TBL1X: variants seen among roughly 807,000 people sequenced by gnomAD.
TBL1X encodes transducin beta like 1 X-linked.
Under a neutral mutation model 50.7 loss-of-function variants are expected in TBL1X, and 10 were observed. The observed-to-expected ratio is 0.20, with a 90% CI of 0.12 to 0.33. The LOEUF is 0.33. Ranked by LOEUF, TBL1X falls within the 10% of genes least tolerant of loss-of-function variation. TBL1X has a pLI of 1.00. For missense variants in TBL1X, 340 were observed against 504.4 expected, an observed-to-expected ratio of 0.67 and a Z score of 3.12; for synonymous variants, 190 against 214.7, an observed-to-expected ratio of 0.88 and a Z score of 1.01.
intron 5 of TBL1X, among the ~76,000 whole-genome samples, chrX:9,670,847 TC>T (rs2146616075): frequency 8.9e-6 from 1 of 112,721 alleles, no homozygotes; most frequent in East Asian, 2.8e-4. Flanking sequence ...CTAATGTGTA[TC>T]CATGTTTAAA....
intron 2 of TBL1X, among the ~76,000 whole-genome samples, chrX:9,557,608 A>T (rs1291180185): frequency 9.0e-6 from 1 of 111,731 alleles, no homozygotes; most frequent in African/African-American, 3.3e-5. Flanking sequence ...TTGAGGAGTT[A>T]AAGGGTAGAA....
At chrX:9,633,359 A>G (rs908153370) in intron 2 of TBL1X, among the ~76,000 whole-genome samples, 3 of 111,977 alleles carry the variant, frequency 2.7e-5, no homozygotes, top group Non-Finnish European at 5.6e-5. Flanking sequence ...GTGGTAAAAA[A>G]TAATCCACCT....
chrX:9,666,857 A>G (rs187594235), intron 5 of TBL1X, among the ~76,000 whole-genome samples: 1 of 112,344 alleles, frequency 8.9e-6, no homozygotes, highest in East Asian at 2.8e-4. Flanking sequence ...ATACTGGAGA[A>G]ACAATTTTAC....
At position 9,653,663 on chromosome X, in the gene TBL1X, A is replaced by G; in HGVS notation, c.77A>G (p.His26Arg). 1 of 1,171,628 alleles carries G rather than the reference A, an allele frequency of 8.5e-7. No individual in the cohort carries two copies. Among genetic ancestry groups the G allele is most frequent in the Non-Finnish European group, 1.1e-6 (1 of 874,986 alleles). Residue 26 changes from histidine to arginine, a missense_variant, in exon 4 of 18, where the codon CAC (histidine) becomes CGC (arginine). His to Arg is a conservative substitution (Grantham distance 29, BLOSUM62 0). This residue lies in a region of TBL1X where 41 missense variants were observed against 48.6 expected (regional missense o/e 0.84). Coordinates refer to ENST00000645353, the MANE Select transcript of TBL1X (RefSeq NM_005647.4). ...AGRGAMQSVLHHFQRLRGREG... is the reference protein window; with the variant it reads ...AGRGAMQSVLRHFQRLRGREG... Reference sequence around the variant, plus strand: ...AGAGGGGCCATGCAGTCAGTCTTGCACCACTTTCAACGTTTGCGAGGGAGA... The same window carrying G: ...AGAGGGGCCATGCAGTCAGTCTTGCGCCACTTTCAACGTTTGCGAGGGAGA...
At chrX:9,473,832 C>T (rs765436194) in intron 1 of TBL1X, among the ~76,000 whole-genome samples, 5 of 112,488 alleles carry the variant, frequency 4.4e-5, no homozygotes, top group Non-Finnish European at 9.4e-5. Flanking sequence ...ATGCACTCAG[C>T]TCATAAGTTC....
chrX:9,556,256 A>G (rs953082257), intron 2 of TBL1X, among the ~76,000 whole-genome samples: 3 of 110,890 alleles, frequency 2.7e-5, no homozygotes, highest in Admixed American at 9.7e-5. Flanking sequence ...TGTTCTGAAT[A>G]TAGTATGATG....
chrX:9,665,532 TATATATAA>T (rs1314138696), intron 5 of TBL1X, among the ~76,000 whole-genome samples: 7 of 60,818 alleles, frequency 1.2e-4, no homozygotes, highest in African/African-American at 3.7e-4. Flanking sequence ...TATATATATA[TATATATAA>T]AAGGCCTTGG....
Position 9,546,944 on chromosome X carries a change from G to A in TBL1X, c.-131+45095G>A, listed in dbSNP as rs375126027. 3.6e-4 allele frequency among the ~76,000 whole-genome samples: 36 copies of A among 98,793 alleles called. No individual in the cohort carries two copies. The East Asian group carries it at 4.1e-3, about 11-fold the overall frequency. The allele number at this position is 98,793 out of a possible 115,157, so 85.8% of individuals were successfully genotyped here. A position where few individuals can be genotyped will look rare whatever the true frequency, so the allele number is the denominator to read the frequency against. On this transcript the variant is annotated intron_variant, in intron 2 of 17. Transcript: ENST00000645353. ...CACCATTCTCCTGCCTCAGCCTCCCGAGTAGCTGGGACTACAGGCGCCCGC... is the reference window on the plus strand; with the variant it reads ...CACCATTCTCCTGCCTCAGCCTCCCAAGTAGCTGGGACTACAGGCGCCCGC...
chrX:9,532,858 A>G (rs1226023788), intron 2 of TBL1X, among the ~76,000 whole-genome samples: 1 of 111,319 alleles, frequency 9.0e-6, no homozygotes, highest in Non-Finnish European at 1.9e-5. Flanking sequence ...GAACAGTCAC[A>G]TTCTGAGGTC....
chrX:9,607,367 C>CAAGGCAGAAAGAAGTCCAGTGGGAT (rs2146554624), intron 2 of TBL1X, among the ~76,000 whole-genome samples: 1 of 113,307 alleles, frequency 8.8e-6, no homozygotes, highest in Non-Finnish European at 1.9e-5. Flanking sequence ...ATTTTCTAGA[C>CAAGGCAGAAAGAAGTCCAGTGGGAT]AAGGCAGAAA....
At chrX:9,518,548 C>T (rs1963532243) in intron 2 of TBL1X, among the ~76,000 whole-genome samples, 1 of 111,931 alleles carries the variant, frequency 8.9e-6, no homozygotes. Context: ...GTTATTTATA[C>T]CTCAGGATTG....
chrX:9,612,608 C>T (rs961391997), intron 2 of TBL1X, among the ~76,000 whole-genome samples: 3 of 111,437 alleles, frequency 2.7e-5, no homozygotes, highest in African/African-American at 9.8e-5. Context: ...AAAAATTATC[C>T]GCAAGATATT....
At chrX:9,507,492 G>C (rs1268745138) in intron 2 of TBL1X, among the ~76,000 whole-genome samples, 1 of 112,066 alleles carries the variant, frequency 8.9e-6, no homozygotes, top group African/African-American at 3.2e-5. Context: ...GGAAGAATCA[G>C]TATCATGAAA....
chrX:9,706,150 C>T (rs2083206387), intron 13 of TBL1X, among the ~76,000 whole-genome samples: 1 of 112,077 alleles, frequency 8.9e-6, no homozygotes, highest in Admixed American at 9.5e-5. Context: ...GACAGTTCCA[C>T]CTGAGATTTG....
intron 2 of TBL1X, among the ~76,000 whole-genome samples, chrX:9,542,682 C>T (rs1026769116): frequency 8.9e-6 from 1 of 111,974 alleles, no homozygotes; most frequent in Admixed American, 9.4e-5. Flanking sequence ...AGGAAACTCC[C>T]CAGAGGGAAA....
At chrX:9,479,545 T>C (rs1355524210) in intron 1 of TBL1X, among the ~76,000 whole-genome samples, 1 of 112,622 alleles carries the variant, frequency 8.9e-6, no homozygotes, top group African/African-American at 3.2e-5. Context: ...ATGACTCTGA[T>C]CTTTCAAAAA....
intron 1 of TBL1X, among the ~76,000 whole-genome samples, chrX:9,480,625 CT>C (rs1324010825): frequency 3.6e-5 from 4 of 110,565 alleles, no homozygotes; most frequent in Non-Finnish European, 5.7e-5. Context: ...AGATTTTTGC[CT>C]TTTAAAAATT....
chrX:9,678,855 T>G (rs2083009074), intron 5 of TBL1X, among the ~76,000 whole-genome samples: 1 of 111,595 alleles, frequency 9.0e-6, no homozygotes, highest in African/African-American at 3.3e-5. Flanking sequence ...TTGGTTTGTT[T>G]TAAATGTTTA....
intron 1 of TBL1X, among the ~76,000 whole-genome samples, chrX:9,486,261 A>G (rs1196236398): frequency 1.9e-5 from 2 of 106,520 alleles, no homozygotes; most frequent in South Asian, 4.3e-4. Flanking sequence ...TATTATTGAG[A>G]CAAGTGCTGT....
Sources: allele counts gnomAD v4.1 joint callset (sites outside exome capture counted in the v4.1 genomes callset), GRCh38; gene constraint gnomAD v4.1.1; regional missense constraint gnomAD v4.1.1; transcripts MANE v1.5; gene names NCBI Gene and HGNC (gene_info 2026-07-23, HGNC 2026-07-21).